Variants in MACF1 observed in about 807,000 individuals in gnomAD.
MACF1 encodes microtubule-actin cross-linking factor 1.
In MACF1, 193 loss-of-function variants were observed where a neutral mutation model predicts 854.8. The observed-to-expected ratio is 0.23, with a 90% CI of 0.20 to 0.25. The LOEUF (loss-of-function observed/expected upper bound fraction) is 0.25, where lower values mean the gene tolerates loss of function less well. Ranked by LOEUF, MACF1 falls within the 10% of genes least tolerant of loss-of-function variation. MACF1 has a pLI of 1.00. For missense variants in MACF1, 7,722 were observed against 8,929.1 expected, an observed-to-expected ratio of 0.86 and a Z score of 5.45; for synonymous variants, 3,185 against 3,226.7, an observed-to-expected ratio of 0.99 and a Z score of 0.44.
At position 39,353,040 on chromosome 1, in the gene MACF1, A is replaced by G; in HGVS notation, c.11233A>G (p.Lys3745Glu). Residue 3745 changes from lysine (K) to glutamate (E), a missense_variant, in exon 44 of 101, where the codon AAG becomes GAG. Lys to Glu is a moderately conservative substitution (Grantham distance 56). Transcript: ENST00000564288. The stretch of plus-strand genomic sequence containing the variant: ...AGCAAAGGAACTGGCAGAGAACAAG[A>G]AGAAGATCGATGCTCTCCTGGATTG... Reference protein sequence around the residue: ...KAAKELAENKKKIDALLDWVT... With the variant: ...KAAKELAENKEKIDALLDWVT... 4 of 1,613,972 alleles carry G rather than the reference A, an allele frequency of 2.5e-6. No individual in the cohort carries two copies. Among genetic ancestry groups the G allele is most frequent in the Non-Finnish European group, 3.4e-6 (4 of 1,179,898 alleles).
At chr1:39,222,045 A>G (rs1196053136) in intron 1 of MACF1, among the ~76,000 whole-genome samples, 1 of 152,194 alleles carries the variant, frequency 6.6e-6, no homozygotes, top group Admixed American at 6.5e-5. Context: ...ATGGTCATGC[A>G]TGTAATAGCC....
intron 3 of MACF1, 26 bp from the exon 4 acceptor site, chr1:39,251,820 G>T: frequency 7.7e-7 from 1 of 1,305,106 alleles, no homozygotes; most frequent in Non-Finnish European, 1.0e-6. Context: ...CCTCTATTGT[G>T]TCTTTGCCTT....
intron 40 of MACF1, among the ~76,000 whole-genome samples, chr1:39,344,561 T>C (rs748361176): frequency 2.6e-5 from 4 of 152,188 alleles, no homozygotes; most frequent in Admixed American, 6.5e-5. Context: ...TATGTTGGCA[T>C]GCTTCCAGGG....
chr1:39,412,217 C>A, intron 58 of MACF1: 1 of 1,613,900 alleles, frequency 6.2e-7, no homozygotes, highest in Non-Finnish European at 8.5e-7. Context: ...GAGAGGGTCA[C>A]CTTCAGTTTT....
At chr1:39,254,490 C>T (rs1645076197) in intron 5 of MACF1, 115 bp downstream of exon 5, 2 of 891,578 alleles carry the variant, frequency 2.2e-6, no homozygotes, top group Non-Finnish European at 3.7e-6. Context: ...ATCTGATTGA[C>T]CCAGTTCTGA....
At chr1:39,180,763 G>A (rs1463672233) in intron 2 of MACF1, among the ~76,000 whole-genome samples, 5 of 152,178 alleles carry the variant, frequency 3.3e-5, no homozygotes, top group East Asian at 1.9e-4. Flanking sequence ...GGGGCCTGAC[G>A]GATCTCAGGG....
chr1:39,189,662 C>T (rs1224605110), intron 2 of MACF1, among the ~76,000 whole-genome samples: 2 of 152,172 alleles, frequency 1.3e-5, no homozygotes, highest in Non-Finnish European at 2.9e-5. Flanking sequence ...CTTCTAGTCC[C>T]AGGTTATATT....
At chr1:39,097,721 C>CAA (rs111425509) in intron 2 of MACF1, among the ~76,000 whole-genome samples, 106 of 147,868 alleles carry the variant, frequency 7.2e-4, no homozygotes, top group African/African-American at 2.4e-3. Flanking sequence ...AACCCTGTCT[C>CAA]AAAAAAAAAG....
chr1:39,194,034 T>C (rs1434678848), intron 2 of MACF1, among the ~76,000 whole-genome samples: 1 of 152,008 alleles, frequency 6.6e-6, no homozygotes, highest in Non-Finnish European at 1.5e-5. Flanking sequence ...GGTTTCACCA[T>C]ATTGGTCAGG....
Position 39,480,984 on chromosome 1 carries a change from CT to C in MACF1, c.22236del (p.Ile7413SerfsTer24). 2.6e-6 allele frequency: 4 copies of C among 1,550,726 alleles called. No homozygotes were observed. The highest frequency in any genetic ancestry group is 3.5e-6 in the Non-Finnish European group (4 of 1,146,988). On this transcript the variant is annotated frameshift_variant, in exon 99 of 101. Transcript: ENST00000564288. LOFTEE classifies it high-confidence loss of function. The part of the protein sequence containing the change: ...PWLVNSKAGT[P>X]IRDSHSPDLQ... ...TTGGTAAACAGTAAAGCTGGCACCC[CT>C]ATCAGGGACAGCCATTCTCCTGACC...
chr1:39,207,265 TC>T, intron 1 of MACF1, among the ~76,000 whole-genome samples: 3 of 151,684 alleles, frequency 2.0e-5, no homozygotes, highest in African/African-American at 7.3e-5. Flanking sequence ...TTTTTTTCTT[TC>T]TTTCTTTCTT....
chr1:39,451,642 A>G (rs1024542234), intron 85 of MACF1, among the ~76,000 whole-genome samples: 9 of 152,140 alleles, frequency 5.9e-5, no homozygotes, highest in Non-Finnish European at 1.2e-4. Flanking sequence ...TGAATTATGT[A>G]ATATCCTCCT....
chr1:39,157,944 C>A (rs1325800660), intron 2 of MACF1, among the ~76,000 whole-genome samples: 2 of 152,096 alleles, frequency 1.3e-5, no homozygotes, highest in Non-Finnish European at 2.9e-5. Flanking sequence ...GTTTTCTCAT[C>A]TGATAATGAA....
In MACF1 at chr1:39,388,625, G is replaced by A; in HGVS notation, c.15783G>A (p.Val5261=). The change falls in exon 58 of 101, where the codon GTG becomes GTA. Residue 5261 remains valine (V), a synonymous_variant. Transcript: ENST00000564288. ...EALQWVVGTE[V]EIINQQLADF... ...TCCAGTGGGTAGTGGGGACCGAAGT[G>A]GAAATCATCAACCAACAATTAGCAG... is the stretch of plus-strand genomic sequence containing the variant. 6.3e-6 allele frequency: 10 copies of A among 1,581,690 alleles called. No individual in the cohort carries two copies. The South Asian group carries it at 1.2e-4, about 18-fold the overall frequency.
At chr1:39,126,470 T>C (rs190170275) in intron 2 of MACF1, among the ~76,000 whole-genome samples, 1 of 152,302 alleles carries the variant, frequency 6.6e-6, no homozygotes, top group East Asian at 1.9e-4. Context: ...GACATCTTTC[T>C]GGGGGATACA....
At chr1:39,231,327 G>C in intron 2 of MACF1, 84 bp downstream of exon 2, 1 of 1,282,764 alleles carries the variant, frequency 7.8e-7, no homozygotes. Context: ...AGATGGTTTA[G>C]ATTGCTTGCT....
In MACF1 at chr1:39,232,746, GTTTTTTTT is replaced by G. The variant is rs10712180; in HGVS notation, c.171+1518_171+1525del. On this transcript the variant is annotated intron_variant, in intron 2 of 100. Coordinates refer to ENST00000564288, the MANE Select transcript of MACF1 (RefSeq NM_001394062.1). Reference sequence around the variant, plus strand: ...AGAAAACTACTCTCATACTCTCTTTGTTTTTTTTTTTTTTTTTTTTTTGTTTGTTTGTT... The same window carrying G: ...AGAAAACTACTCTCATACTCTCTTTGTTTTTTTTTTTTTTGTTTGTTTGTT... 1.6e-4 allele frequency among the ~76,000 whole-genome samples: 21 copies of G among 128,502 alleles called. 1 individual carries two copies. Among genetic ancestry groups the G allele is most frequent in the Non-Finnish European group, 2.5e-4 (15 of 60,020 alleles). 84.3% of individuals were successfully genotyped at this position (128,502 alleles called of 152,430 possible).
At chr1:39,112,042 A>C (rs1049448363) in intron 2 of MACF1, among the ~76,000 whole-genome samples, 4 of 150,144 alleles carry the variant, frequency 2.7e-5, no homozygotes, top group Non-Finnish European at 4.4e-5. Flanking sequence ...CTTTGTTTAC[A>C]TTCTCTTTTC....
chr1:39,305,411 A>G (rs1390227747), intron 23 of MACF1, among the ~76,000 whole-genome samples: 1 of 152,114 alleles, frequency 6.6e-6, no homozygotes, highest in Non-Finnish European at 1.5e-5. Context: ...AAGTGTTTTC[A>G]GCTGTTTTAG....
Sources: allele counts gnomAD v4.1 joint callset (sites outside exome capture counted in the v4.1 genomes callset), GRCh38; gene constraint gnomAD v4.1.1; transcripts MANE v1.5; gene names NCBI Gene and HGNC (gene_info 2026-07-23, HGNC 2026-07-21).